The following FANK1 variants were observed in gnomAD, a reference collection of about 807,000 sequenced individuals.
FANK1 encodes fibronectin type III and ankyrin repeat domains 1.
Under a neutral mutation model 45.3 loss-of-function variants are expected in FANK1, and 44 were observed. The observed-to-expected ratio is 0.97, with a 90% confidence interval of 0.76 to 1.25. The LOEUF (loss-of-function observed/expected upper bound fraction) is 1.25. Ranked by LOEUF, FANK1 falls within the 50% of genes most tolerant of loss-of-function variation. FANK1 has a pLI of 0.00. For synonymous variants in FANK1, 149 were observed against 152.5 expected (o/e 0.98, Z 0.17); for missense variants, 391 against 424.4 (o/e 0.92, Z 0.69).
intron 1 of FANK1, among the ~76,000 whole-genome samples, chr10:125,922,279 G>A (rs1312173036): frequency 2.0e-5 from 3 of 152,136 alleles, no homozygotes; most frequent in Non-Finnish European, 2.9e-5. Flanking sequence ...ATAATTCACT[G>A]AATTTTAATT....
At chr10:126,002,668 T>C in intron 6 of FANK1, among the ~76,000 whole-genome samples, 1 of 152,154 alleles carries the variant, frequency 6.6e-6, no homozygotes, top group Non-Finnish European at 1.5e-5. Flanking sequence ...TTTGAAATAT[T>C]TACACATTTA....
At chr10:125,942,453 T>G (rs1000932790) in intron 1 of FANK1, among the ~76,000 whole-genome samples, 3 of 152,180 alleles carry the variant, frequency 2.0e-5, no homozygotes, top group South Asian at 2.1e-4. Flanking sequence ...TATAACAATT[T>G]TAGAGTTTTT....
chr10:125,949,707 T>C (rs933913330), intron 1 of FANK1, among the ~76,000 whole-genome samples: 2 of 147,844 alleles, frequency 1.4e-5, no homozygotes, highest in African/African-American at 5.0e-5. Context: ...ATTTACAGAT[T>C]CAATGCCATC....
chr10:125,988,988 C>T (rs1225604875), intron 3 of FANK1, among the ~76,000 whole-genome samples: 2 of 152,308 alleles, frequency 1.3e-5, no homozygotes, highest in Admixed American at 6.5e-5. Context: ...TAAGCCTAAG[C>T]GTCCCCACAC....
chr10:125,947,942 A>G (rs1304420593), intron 1 of FANK1, among the ~76,000 whole-genome samples: 1 of 149,150 alleles, frequency 6.7e-6, no homozygotes, highest in African/African-American at 2.5e-5. Context: ...ATCAAACTAG[A>G]ACTCAGGATT....
rs1952420821 is a variant in FANK1 at position 125,997,426 on chromosome 10, G to A, written c.480G>A (p.Val160=). The part of the protein sequence containing the change: ...VAAQKGYTRL[V]KILVSNGTDV... ...TTAAGTTTGTTTCCTTTAGGCTTGT[G>A]AAAATCCTAGTTTCTAATGGCACAG... Residue 160 remains valine (V), a synonymous_variant, in exon 6 of 11, where the codon GTG becomes GTA. Coordinates refer to ENST00000368693, the MANE Select transcript of FANK1 (RefSeq NM_145235.5). 6.2e-7 allele frequency: 1 copy of A among 1,613,740 alleles called. No homozygotes were observed. The highest frequency in any genetic ancestry group is 1.7e-5 in the Admixed American group (1 of 59,942).
chr10:125,902,984 C>G (rs1225354459), intron 1 of FANK1, among the ~76,000 whole-genome samples: 2 of 152,112 alleles, frequency 1.3e-5, no homozygotes, highest in Admixed American at 1.3e-4. Context: ...GTCTTTTAAA[C>G]AGTCATGTTT....
At chr10:125,909,970 T>G (rs1488637931) in intron 1 of FANK1, among the ~76,000 whole-genome samples, 1 of 152,144 alleles carries the variant, frequency 6.6e-6, no homozygotes, top group Non-Finnish European at 1.5e-5. Flanking sequence ...TGAGAGAAAG[T>G]GTGCCATCTT....
At chr10:125,925,457 C>T (rs1947283401) in intron 1 of FANK1, among the ~76,000 whole-genome samples, 1 of 152,152 alleles carries the variant, frequency 6.6e-6, no homozygotes, top group African/African-American at 2.4e-5. Flanking sequence ...AGTGCAGGGG[C>T]TGTTCACAGG....
intron 6 of FANK1, among the ~76,000 whole-genome samples, chr10:126,002,763 CTTTTTTTTT>C (rs375158618): frequency 4.4e-5 from 5 of 113,230 alleles, no homozygotes; most frequent in African/African-American, 1.3e-4. Context: ...TTTGCCTCTC[CTTTTTTTTT>C]TTTTTTTTTT....
In FANK1 at chr10:126,008,529, A is replaced by C; in HGVS notation, c.828A>C (p.Arg276Ser). 1 of 1,611,806 alleles carries C rather than the reference A, an allele frequency of 6.2e-7. No individual in the cohort carries two copies. Among genetic ancestry groups the C allele is most frequent in the Non-Finnish European group, 8.5e-7 (1 of 1,179,444 alleles). The change falls in exon 8 of 11, where the codon AGA becomes AGC. Residue 276 changes from arginine to serine, a missense_variant. Transcript: ENST00000368693. ...DAGANVNVKD[R>S]NGKTPLMVAV... ...GGGCCAATGTGAATGTGAAGGACAG[A>C]AATGGAAAGACGCCCCTTATGGTAG... is the stretch of plus-strand genomic sequence containing the variant.
At chr10:125,995,000 C>G in intron 3 of FANK1, 1 of 910,132 alleles carries the variant, frequency 1.1e-6, no homozygotes, top group Non-Finnish European at 1.3e-6. Context: ...ATTTTAATTT[C>G]AAATGTTAAA....
chr10:125,899,910 A>G (rs570135611), intron 1 of FANK1, among the ~76,000 whole-genome samples: 1 of 152,404 alleles, frequency 6.6e-6, no homozygotes, highest in South Asian at 2.1e-4. Context: ...GCTTTTAAGG[A>G]TTAAACATGT....
Position 125,996,603 on chromosome 10 carries a change from C to T in FANK1, c.452C>T (p.Ala151Val). 2 of 1,614,160 alleles carry T rather than the reference C, an allele frequency of 1.2e-6. No homozygotes were observed. The highest frequency in any genetic ancestry group is 1.7e-6 in the Non-Finnish European group (2 of 1,180,006). ...NKFGFTALMV[A>V]AQKGYTRLVK... Reference sequence around the variant, plus strand: ...TTTGGCTTTACCGCTCTGATGGTTGCTGCCCAGAAAGGATACACCAGGTAT... The same window carrying T: ...TTTGGCTTTACCGCTCTGATGGTTGTTGCCCAGAAAGGATACACCAGGTAT... The change falls in exon 5 of 11, where the codon GCT becomes GTT. Residue 151 changes from alanine to valine, a missense_variant. Transcript: ENST00000368693.
At chr10:125,906,309 A>T (rs1945509528) in intron 1 of FANK1, among the ~76,000 whole-genome samples, 1 of 152,010 alleles carries the variant, frequency 6.6e-6, no homozygotes, top group Non-Finnish European at 1.5e-5. Context: ...TGAGGTCAGG[A>T]GTTTGAGACC....
chr10:125,901,161 G>A (rs1945005432), intron 1 of FANK1, among the ~76,000 whole-genome samples: 2 of 152,156 alleles, frequency 1.3e-5, no homozygotes, highest in Non-Finnish European at 2.9e-5. Context: ...AAACTGAGGT[G>A]AATGACTAAG....
intron 6 of FANK1, among the ~76,000 whole-genome samples, chr10:126,002,763 C>CA (rs1554951509): frequency 8.8e-6 from 1 of 113,210 alleles, no homozygotes; most frequent in Admixed American, 9.7e-5. Context: ...TTTGCCTCTC[C>CA]TTTTTTTTTT....
chr10:125,904,608 T>C (rs995877462), intron 1 of FANK1, among the ~76,000 whole-genome samples: 7 of 151,800 alleles, frequency 4.6e-5, no homozygotes, highest in Admixed American at 3.3e-4. Flanking sequence ...ACTCCTGAGC[T>C]CAAGCACTTC....
At chr10:125,900,637 G>T (rs1201198328) in intron 1 of FANK1, among the ~76,000 whole-genome samples, 24 of 151,528 alleles carry the variant, frequency 1.6e-4, no homozygotes, top group Non-Finnish European at 3.2e-4. Flanking sequence ...GTTTTTTTTT[G>T]TTTGTTTGTT....
Sources: allele counts gnomAD v4.1 joint callset (sites outside exome capture counted in the v4.1 genomes callset), GRCh38; gene constraint gnomAD v4.1.1; transcripts MANE v1.5; gene names NCBI Gene and HGNC (gene_info 2026-07-23, HGNC 2026-07-21).